GLIS3: variants seen among roughly 807,000 people sequenced by gnomAD.
The protein encoded by GLIS3 is zinc finger protein GLIS3.
In GLIS3, 53 loss-of-function variants were observed where a neutral mutation model predicts 78.6. The ratio of observed to expected loss-of-function variants is 0.67; its 90% confidence interval spans 0.54 to 0.85. The LOEUF is 0.85. Among genes scored for constraint, GLIS3 ranks in the 40% least tolerant of loss-of-function variants. GLIS3 has a pLI of 0.00. For synonymous variants in GLIS3, 684 were observed against 509.9 expected (o/e 1.34, Z -4.60); for missense variants, 1,703 against 1,231.1 (o/e 1.38, Z -5.74).
chr9:3,983,166 G>C (rs1819442867), intron 4 of GLIS3, among the ~76,000 whole-genome samples: 2 of 152,182 alleles, frequency 1.3e-5, no homozygotes, highest in Admixed American at 6.5e-5. Context: ...TCTCTTGATA[G>C]TGAATGAGTC....
chr9:3,944,208 A>C (rs540317938), intron 4 of GLIS3, among the ~76,000 whole-genome samples: 1 of 152,348 alleles, frequency 6.6e-6, no homozygotes, highest in South Asian at 2.1e-4. Context: ...ATTTTTCAAG[A>C]AGCCACAAGA....
At chr9:4,050,114 T>C (rs560581372) in intron 4 of GLIS3, among the ~76,000 whole-genome samples, 4 of 152,060 alleles carry the variant, frequency 2.6e-5, no homozygotes, top group Non-Finnish European at 5.9e-5. Context: ...AACCAAAGGT[T>C]TATAAATCAT....
intron 2 of GLIS3, among the ~76,000 whole-genome samples, chr9:4,191,334 G>C (rs192468470): frequency 1.3e-5 from 2 of 152,258 alleles, no homozygotes; most frequent in East Asian, 3.9e-4. Context: ...TTTCAACTGA[G>C]CATTTTAGAG....
chr9:4,047,319 T>TTA (rs1428091617), intron 4 of GLIS3, among the ~76,000 whole-genome samples: 2 of 152,172 alleles, frequency 1.3e-5, no homozygotes, highest in African/African-American at 2.4e-5. Flanking sequence ...ACCTCTTTCC[T>TTA]TTATAAATTA....
At chr9:4,448,426 G>C in the GLIS3 span, among the ~76,000 whole-genome samples, 5 of 152,218 alleles carry the variant, frequency 3.3e-5, no homozygotes, top group Non-Finnish European at 7.3e-5. Context: ...CCTGATGGCA[G>C]AGAAGTTGAG....
At chr9:4,344,165 T>C (rs967023125) in intron 2 of GLIS3, among the ~76,000 whole-genome samples, 1 of 152,136 alleles carries the variant, frequency 6.6e-6, no homozygotes, top group Non-Finnish European at 1.5e-5. Context: ...AGCCCACTTC[T>C]CTGGTCCCCT....
intron 4 of GLIS3, among the ~76,000 whole-genome samples, chr9:3,969,476 T>C (rs969735353): frequency 5.3e-5 from 8 of 152,310 alleles, no homozygotes; most frequent in Admixed American, 3.3e-4. Flanking sequence ...ACATATCAGA[T>C]ACATAGCCAC....
intron 4 of GLIS3, among the ~76,000 whole-genome samples, chr9:4,106,473 G>T (rs1830760419): frequency 6.6e-6 from 1 of 152,120 alleles, no homozygotes; most frequent in African/African-American, 2.4e-5. Flanking sequence ...GTCATCCTTG[G>T]GGGTAATTTT....
intron 4 of GLIS3, among the ~76,000 whole-genome samples, chr9:4,005,813 C>G (rs912260386): frequency 6.6e-6 from 1 of 152,184 alleles, no homozygotes; most frequent in African/African-American, 2.4e-5. Context: ...AAATTATCTA[C>G]ATGAGTGGCT....
chr9:4,437,422 ATCTATCTATC>A, the GLIS3 span, among the ~76,000 whole-genome samples: 3 of 56,848 alleles, frequency 5.3e-5, no homozygotes, highest in Admixed American at 3.3e-4. Context: ...GTATGTATGT[ATCTATCTATC>A]TATCTATCTA....
At chr9:4,196,915 G>A (rs568773530) in intron 2 of GLIS3, among the ~76,000 whole-genome samples, 9 of 152,264 alleles carry the variant, frequency 5.9e-5, no homozygotes, top group African/African-American at 1.7e-4. Context: ...TGAGATCATG[G>A]TGCAGTAGGG....
chr9:4,236,688 A>G (rs568890393), intron 2 of GLIS3, among the ~76,000 whole-genome samples: 24 of 152,306 alleles, frequency 1.6e-4, no homozygotes, highest in African/African-American at 5.8e-4. Flanking sequence ...TCATTTACTC[A>G]TAAATATTAT....
intron 2 of GLIS3, among the ~76,000 whole-genome samples, chr9:4,158,622 G>A (rs1190260586): frequency 1.3e-5 from 2 of 152,064 alleles, no homozygotes; most frequent in African/African-American, 2.4e-5. Flanking sequence ...ACTACTAAAT[G>A]TATTATAATA....
chr9:3,838,350 C>T (rs561103583), intron 9 of GLIS3, among the ~76,000 whole-genome samples: 1 of 152,276 alleles, frequency 6.6e-6, no homozygotes, highest in African/African-American at 2.4e-5. Flanking sequence ...GAGAGACCTA[C>T]AGTCCTCAGC....
At chr9:4,331,038 C>A (rs890713400) in intron 2 of GLIS3, among the ~76,000 whole-genome samples, 1 of 152,106 alleles carries the variant, frequency 6.6e-6, no homozygotes, top group Non-Finnish European at 1.5e-5. Context: ...TTGCCCTGAG[C>A]CATCTGTATT....
At chr9:3,901,689 G>A (rs958220240) in intron 6 of GLIS3, among the ~76,000 whole-genome samples, 7 of 152,160 alleles carry the variant, frequency 4.6e-5, no homozygotes, top group Non-Finnish European at 1.0e-4. Flanking sequence ...CTAAATACAG[G>A]GAAGGGACAT....
chr9:4,088,972 T>C (rs1314759633), intron 4 of GLIS3, among the ~76,000 whole-genome samples: 1 of 152,252 alleles, frequency 6.6e-6, no homozygotes, highest in Non-Finnish European at 1.5e-5. Context: ...GAGTTACCAA[T>C]GACTTAATTT....
the GLIS3 span, among the ~76,000 whole-genome samples, chr9:4,361,791 C>G: frequency 6.6e-6 from 1 of 152,192 alleles, no homozygotes; most frequent in African/African-American, 2.4e-5. Flanking sequence ...TTTATTACAT[C>G]TTAAAACCCT....
intron 2 of GLIS3, among the ~76,000 whole-genome samples, chr9:4,193,945 T>C (rs1818562811): frequency 6.6e-6 from 1 of 152,250 alleles, no homozygotes; most frequent in African/African-American, 2.4e-5. Flanking sequence ...AACAACCAGA[T>C]GTTGTGGTTC....
Sources: allele counts gnomAD v4.1 joint callset (sites outside exome capture counted in the v4.1 genomes callset), GRCh38; gene constraint gnomAD v4.1.1; transcripts MANE v1.5; gene names NCBI Gene and HGNC (gene_info 2026-07-23, HGNC 2026-07-21).